TMEM150A: variants seen among roughly 807,000 people sequenced by gnomAD.
TMEM150A encodes transmembrane protein 150A, also known as fasting-inducible integral membrane protein TM6P1.
A neutral mutation model predicts 29.8 loss-of-function variants in TMEM150A; 18 were observed. The ratio of observed to expected loss-of-function variants is 0.60; its 90% CI spans 0.42 to 0.90. The LOEUF (loss-of-function observed/expected upper bound fraction) is 0.90. Ranked by LOEUF, TMEM150A falls within the 40% of genes least tolerant of loss-of-function variation. The pLI is 0.00. For synonymous variants in TMEM150A, 127 were observed against 143.6 expected, an observed-to-expected ratio of 0.88 and a Z score of 0.83; for missense variants, 251 against 349.7, an observed-to-expected ratio of 0.72 and a Z score of 2.25.
At position 85,599,052 on chromosome 2, in the gene TMEM150A, C is replaced by T. The variant is rs540979216; in HGVS notation, c.*24G>A. 30 of 1,600,338 alleles carry T rather than the reference C, an allele frequency of 1.9e-5. No homozygotes were observed. The highest frequency in any genetic ancestry group is 8.0e-5 in the African/African-American group (6 of 74,598). ...ATATGGGGTGGGGTGCTGTGGAGGC[C>T]GGGCCAGCCACCCTCCCCAGACCTT... is the stretch of plus-strand genomic sequence containing the variant. On this transcript the variant is annotated 3_prime_UTR_variant, in exon 8 of 8. Coordinates refer to ENST00000334462, the MANE Select transcript of TMEM150A (RefSeq NM_001031738.3). This position sits in a 1 kb window ranked among gnomAD's most constrained non-coding sequence, Gnocchi z 6.0.
chr2:85,598,865 T>TG lies in TMEM150A; in HGVS notation c.*210dup. ...GACCTTTAAAAACAAAACGACACCG[T>TG]GGGGTGGGGAAGCAGGTCATGCAGC... On this transcript the variant is annotated 3_prime_UTR_variant, in exon 8 of 8. Coordinates refer to ENST00000334462, the MANE Select transcript of TMEM150A (RefSeq NM_001031738.3). 1 of 681,714 alleles carries TG rather than the reference T, an allele frequency of 1.5e-6. No homozygotes were observed. The highest frequency in any genetic ancestry group is 2.4e-6 in the Non-Finnish European group (1 of 420,446). 42.2% of individuals were successfully genotyped at this position (681,714 alleles called of 1,614,324 possible).
In TMEM150A at chr2:85,602,319, GGGAGAAGGGCT is replaced by G. The variant is rs1673017867; in HGVS notation, c.-116-266_-116-256del. The G allele has an allele frequency of 4.3e-5, 8 of 186,364 alleles. No individual in the cohort carries two copies. The South Asian group carries it at 7.7e-4, about 18-fold the overall frequency. 11.5% of individuals were successfully genotyped at this position (186,364 alleles called of 1,614,324 possible). A position where few individuals can be genotyped will look rare whatever the true frequency, so the allele number is the denominator to read the frequency against. On this transcript the variant is annotated intron_variant, in intron 1 of 7. Transcript: ENST00000334462. This position sits in a 1 kb window ranked among gnomAD's most constrained non-coding sequence, Gnocchi z 5.6. The stretch of plus-strand genomic sequence containing the variant: ...ACCCTCCTTCTGAGGGACCAGGGCT[GGGAGAAGGGCT>G]GGACAACCGAAGAGGCCACGCCAAG...
Position 85,599,755 on chromosome 2 carries a change from C to A in TMEM150A, c.397-53G>T. 1 of 1,593,580 alleles carries A rather than the reference C, an allele frequency of 6.3e-7. No homozygotes were observed. Among genetic ancestry groups the A allele is most frequent in the Non-Finnish European group, 8.6e-7 (1 of 1,169,002 alleles). The stretch of plus-strand genomic sequence containing the variant: ...ATGTGGCCATGGCCCCACCTCTCCA[C>A]CCCTCCTTCAATGAATCTCCTCTCT... On this transcript the variant is annotated intron_variant, in intron 6 of 7. Coordinates refer to ENST00000334462, the MANE Select transcript of TMEM150A (RefSeq NM_001031738.3). The surrounding 1 kb of genome is among the most constrained non-coding windows in gnomAD (Gnocchi z 6.0).
Position 85,601,905 on chromosome 2 carries a change from GA to G in TMEM150A, c.43del (p.Ser15ProfsTer13). ...ILLPVSLSAF[S>X]ITGIWTVYAM... ...TCACACAGTCCATATGCCAGTGATG[GA>G]GAACGCTGACAGGCTGACAGGCAGG... On this transcript the variant is annotated frameshift_variant, in exon 2 of 8. Transcript: ENST00000334462. LOFTEE classifies it high-confidence loss of function. This position sits in a 1 kb window ranked among gnomAD's most constrained non-coding sequence, Gnocchi z 4.0. 1 of 1,614,086 alleles carries G rather than the reference GA, an allele frequency of 6.2e-7. No homozygotes were observed. Among genetic ancestry groups the G allele is most frequent in the Non-Finnish European group, 8.5e-7 (1 of 1,179,956 alleles).
chr2:85,602,540 C>T lies in TMEM150A; in HGVS notation c.-117+67G>A, dbSNP rs1308599249. On this transcript the variant is annotated intron_variant, in intron 1 of 7. Transcript: ENST00000334462. This position sits in a 1 kb window ranked among gnomAD's most constrained non-coding sequence, Gnocchi z 5.6. Reference sequence around the variant, plus strand: ...CCCTGCGGCCGGCGACCCCCCAGGACCCGGGACGCGAGAGTCCCCAGGTGA... The same window carrying T: ...CCCTGCGGCCGGCGACCCCCCAGGATCCGGGACGCGAGAGTCCCCAGGTGA... 2.0e-5 allele frequency: 3 copies of T among 151,982 alleles called. No individual in the cohort carries two copies. Among genetic ancestry groups the T allele is most frequent in the Admixed American group, 2.0e-4 (3 of 15,264 alleles). The allele number at this position is 151,982 out of a possible 1,614,324, so 9.4% of individuals were successfully genotyped here.
chr2:85,600,045 C>T (rs569362017), intron 5 of TMEM150A, 27 bp from the exon 6 acceptor site: 1 of 1,609,460 alleles, frequency 6.2e-7, no homozygotes, highest in South Asian at 1.1e-5. Context: ...CAGTTGAGGC[C>T]TTCCTCCAGC....
In TMEM150A at chr2:85,599,097, G is replaced by C. The variant is rs1394416426; in HGVS notation, c.795C>G (p.Pro265=). 4 of 1,613,678 alleles carry C rather than the reference G, an allele frequency of 2.5e-6. No homozygotes were observed. In the South Asian group the frequency reaches 3.3e-5, roughly 13 times the overall value. Residue 265 remains proline (P), a synonymous_variant, in exon 8 of 8, where the codon CCC becomes CCG. Transcript: ENST00000334462. The surrounding 1 kb of genome is among the most constrained non-coding windows in gnomAD (Gnocchi z 6.0). ...GACCTTAGATCATAGCGATGCTCTCGGGGGCACAGTTGAGGTGGGTGGAGG... is the reference window on the plus strand; with the variant it reads ...GACCTTAGATCATAGCGATGCTCTCCGGGGCACAGTTGAGGTGGGTGGAGG... ...SSTSTHLNCA[P]ESIAMI
Position 85,601,053 on chromosome 2 carries a change from G to A in TMEM150A, c.168C>T (p.Thr56=). ...GGGGGACATCGTCCAGGGTGCAGCA[G>A]GTCTTGGGACCCCCTTGCTCAGCAG... ...PDPAEQGGPK[T]CCTLDDVPLI... The change falls in exon 4 of 8, where the codon ACC becomes ACT. Residue 56 remains threonine (T), a synonymous_variant. Coordinates refer to ENST00000334462, the MANE Select transcript of TMEM150A (RefSeq NM_001031738.3). This position sits in a 1 kb window ranked among gnomAD's most constrained non-coding sequence, Gnocchi z 4.0. 1.2e-6 allele frequency: 2 copies of A among 1,612,772 alleles called. No individual in the cohort carries two copies. The highest frequency in any genetic ancestry group is 1.7e-6 in the Non-Finnish European group (2 of 1,179,546).
intron 4 of TMEM150A, 86 bp from the exon 5 acceptor site, chr2:85,600,498 ACCTG>A: frequency 8.8e-6 from 8 of 905,182 alleles, no homozygotes; most frequent in South Asian, 2.7e-5. Flanking sequence ...CCCCTGCTTT[ACCTG>A]CACCTGCTCC....
In TMEM150A at chr2:85,600,043, G is replaced by A. The variant is rs114074060; in HGVS notation, c.269-25C>T. The A allele has an allele frequency of 5.6e-4, 902 of 1,609,762 alleles. 7 individuals are homozygous for A. The African/African-American group carries it at 0.012, about 21-fold the overall frequency. Reference sequence around the variant, plus strand: ...ACTGGGGGAGGAGAGCACAGTTGAGGCCTTCCTCCAGCCCTGGCCCTGCCC... The same window carrying A: ...ACTGGGGGAGGAGAGCACAGTTGAGACCTTCCTCCAGCCCTGGCCCTGCCC... On this transcript the variant is annotated intron_variant, in intron 5 of 7. Transcript: ENST00000334462.
Position 85,599,312 on chromosome 2 carries a change from C to T in TMEM150A, c.580G>A (p.Val194Ile), listed in dbSNP as rs1374844934. ...IAFITLVLSG[V>I]FFVHESSQLQ... ...TGAGAACTCTCATGGACAAAGAAGA[C>T]TCCACCTAAAACGAGGCTAAGGAAA... Residue 194 changes from valine (V) to isoleucine (I), a missense_variant, in exon 8 of 8, where the codon GTC becomes ATC. Val to Ile is a conservative substitution (Grantham distance 29). Coordinates refer to ENST00000334462, the MANE Select transcript of TMEM150A (RefSeq NM_001031738.3). This position sits in a 1 kb window ranked among gnomAD's most constrained non-coding sequence, Gnocchi z 6.0. 5 of 1,613,978 alleles carry T rather than the reference C, an allele frequency of 3.1e-6. No homozygotes were observed. Among genetic ancestry groups the T allele is most frequent in the Admixed American group, 1.7e-5 (1 of 60,016 alleles).
At position 85,601,853 on chromosome 2, in the gene TMEM150A, T is replaced by C; in HGVS notation, c.65+31A>G. ...GACTTTGTGTGCGTCATCAAGCTCC[T>C]GTTGCCCCCCGGGCACCCCCCTTTA... On this transcript the variant is annotated intron_variant, in intron 2 of 7. Coordinates refer to ENST00000334462, the MANE Select transcript of TMEM150A (RefSeq NM_001031738.3). This position sits in a 1 kb window ranked among gnomAD's most constrained non-coding sequence, Gnocchi z 4.0. 1 of 1,612,250 alleles carries C rather than the reference T, an allele frequency of 6.2e-7. No homozygotes were observed. Among genetic ancestry groups the C allele is most frequent in the Non-Finnish European group, 8.5e-7 (1 of 1,178,484 alleles).
rs1573358069 is a variant in TMEM150A at position 85,599,524 on chromosome 2, C to T, written c.574+1G>A. The T allele has an allele frequency of 6.2e-7, 1 of 1,610,012 alleles. No homozygotes were observed. The highest frequency in any genetic ancestry group is 2.2e-5 in the East Asian group (1 of 44,856). On this transcript the variant is annotated splice_donor_variant, in intron 7 of 7. Coordinates refer to ENST00000334462, the MANE Select transcript of TMEM150A (RefSeq NM_001031738.3). LOFTEE classifies it high-confidence loss of function. This position sits in a 1 kb window ranked among gnomAD's most constrained non-coding sequence, Gnocchi z 6.0. ...CTGGCTGCCCCGTCCTGAAAGGATA[C>T]TGAGGACCAGGGTGATAAAGGCGAT...
In TMEM150A at chr2:85,600,882, C is replaced by G. The variant is rs902754385; in HGVS notation, c.200+139G>C. The G allele has an allele frequency of 1.1e-5, 8 of 718,500 alleles. No homozygotes were observed. In the African/African-American group the frequency reaches 1.4e-4, roughly 13 times the overall value. 44.5% of individuals were successfully genotyped at this position (718,500 alleles called of 1,614,324 possible). On this transcript the variant is annotated intron_variant, in intron 4 of 7. Coordinates refer to ENST00000334462, the MANE Select transcript of TMEM150A (RefSeq NM_001031738.3). ...AGCACTCAGCAGAGTGCCTGCCCCA[C>G]AGTAACTGTCAAGTAGTGTTGTTAT...
Position 85,601,658 on chromosome 2 carries a change from C to A in TMEM150A, c.66-176G>T. ...ACCAGCACCTGCAGCATGCCCCCAG[C>A]TACAGGCCCTCTGGAAATTGCCCTG... is the stretch of plus-strand genomic sequence containing the variant. On this transcript the variant is annotated intron_variant, in intron 2 of 7. Coordinates refer to ENST00000334462, the MANE Select transcript of TMEM150A (RefSeq NM_001031738.3). This position sits in a 1 kb window ranked among gnomAD's most constrained non-coding sequence, Gnocchi z 4.0. 1 of 838,670 alleles carries A rather than the reference C, an allele frequency of 1.2e-6. No individual in the cohort carries two copies. Among genetic ancestry groups the A allele is most frequent in the Non-Finnish European group, 1.9e-6 (1 of 528,002 alleles). The allele number at this position is 838,670 out of a possible 1,614,324, so 52.0% of individuals were successfully genotyped here.
Position 85,601,868 on chromosome 2 carries a change from A to G in TMEM150A, c.65+16T>C. On this transcript the variant is annotated intron_variant, in intron 2 of 7. Coordinates refer to ENST00000334462, the MANE Select transcript of TMEM150A (RefSeq NM_001031738.3). The surrounding 1 kb of genome is among the most constrained non-coding windows in gnomAD (Gnocchi z 4.0). ...ATCAAGCTCCTGTTGCCCCCCGGGC[A>G]CCCCCCTTTACTCACACAGTCCATA... 6.2e-7 allele frequency: 1 copy of G among 1,612,904 alleles called. No individual in the cohort carries two copies. The highest frequency in any genetic ancestry group is 8.5e-7 in the Non-Finnish European group (1 of 1,179,354).
At chr2:85,600,491 C>T in intron 4 of TMEM150A, 79 bp from the exon 5 acceptor site, 4 of 970,598 alleles carry the variant, frequency 4.1e-6, no homozygotes. Flanking sequence ...TGGCTCTCCC[C>T]TGCTTTACCT....
Position 85,602,620 on chromosome 2 carries a change from CCCG to C in TMEM150A, c.-133_-131del. On this transcript the variant is annotated 5_prime_UTR_variant, in exon 1 of 8. Coordinates refer to ENST00000334462, the MANE Select transcript of TMEM150A (RefSeq NM_001031738.3). This position sits in a 1 kb window ranked among gnomAD's most constrained non-coding sequence, Gnocchi z 5.6. Reference sequence around the variant, plus strand: ...CCCAGTACGCACCTCCCCGGAGCGCCCCGCCGCCGCCGCACCCTGCTCGGCCCC... The same window carrying C: ...CCCAGTACGCACCTCCCCGGAGCGCCCCGCCGCCGCACCCTGCTCGGCCCC... 5 of 153,406 alleles carry C rather than the reference CCCG, an allele frequency of 3.3e-5. No individual in the cohort carries two copies. Among genetic ancestry groups the C allele is most frequent in the South Asian group, 2.0e-4 (1 of 4,918 alleles). 9.5% of individuals were successfully genotyped at this position (153,406 alleles called of 1,614,324 possible). A position where few individuals can be genotyped will look rare whatever the true frequency, so the allele number is the denominator to read the frequency against.
In TMEM150A at chr2:85,601,958, G is replaced by A. The variant is rs2104108173; in HGVS notation, c.-10C>T. The A allele has an allele frequency of 6.2e-7, 1 of 1,614,030 alleles. No individual in the cohort carries two copies. The highest frequency in any genetic ancestry group is 2.2e-5 in the East Asian group (1 of 44,892). Reference sequence around the variant, plus strand: ...GGATCCAGGCGGTCATGAGGGAGGGGAGCCAGGGTGGTGGTGGTGTTGGGG... The same window carrying A: ...GGATCCAGGCGGTCATGAGGGAGGGAAGCCAGGGTGGTGGTGGTGTTGGGG... On this transcript the variant is annotated 5_prime_UTR_variant, in exon 2 of 8. Coordinates refer to ENST00000334462, the MANE Select transcript of TMEM150A (RefSeq NM_001031738.3). The surrounding 1 kb of genome is among the most constrained non-coding windows in gnomAD (Gnocchi z 4.0).
Sources: allele counts gnomAD v4.1 joint callset, GRCh38; gene constraint gnomAD v4.1.1; non-coding constraint Gnocchi (gnomAD v3.1); transcripts MANE v1.5; gene names NCBI Gene and HGNC (gene_info 2026-07-23, HGNC 2026-07-21).